CLIC5: variants seen among roughly 807,000 people sequenced by gnomAD.
CLIC5 encodes the protein chloride intracellular channel protein 5.
Under a neutral mutation model 24.7 loss-of-function variants are expected in CLIC5, and 20 were observed. The ratio of observed to expected loss-of-function variants is 0.81; its 90% CI spans 0.57 to 1.18. The LOEUF (loss-of-function observed/expected upper bound fraction) is 1.18. Ranked by LOEUF, CLIC5 falls within the 50% of genes most tolerant of loss-of-function variation. CLIC5 has a pLI of 0.00. For synonymous variants in CLIC5, 159 were observed against 135.6 expected (o/e 1.17, Z -1.20); for missense variants, 341 against 326.1 (o/e 1.05, Z -0.35).
chr6:45,997,986 G>C (rs1766212492), intron 1 of CLIC5, among the ~76,000 whole-genome samples: 1 of 152,200 alleles, frequency 6.6e-6, no homozygotes, highest in South Asian at 2.1e-4. Flanking sequence ...CTTGATCAAG[G>C]GTGTAGGGGA....
At chr6:46,069,147 T>C (rs1762519882) in intron 1 of CLIC5, among the ~76,000 whole-genome samples, 1 of 152,206 alleles carries the variant, frequency 6.6e-6, no homozygotes, top group East Asian at 1.9e-4. Flanking sequence ...CTAGTGAATG[T>C]TTTTAAGACA....
At chr6:45,894,019 G>A (rs573464922), downstream of CLIC5, among the ~76,000 whole-genome samples, 2 of 152,314 alleles carry the variant, frequency 1.3e-5, no homozygotes, top group Middle Eastern at 3.4e-3. Flanking sequence ...TGGACACGTA[G>A]CTAAGTTACA....
At chr6:45,974,587 C>T (rs890699128) in intron 1 of CLIC5, among the ~76,000 whole-genome samples, 2 of 121,920 alleles carry the variant, frequency 1.6e-5, no homozygotes, top group African/African-American at 6.3e-5. Flanking sequence ...AGAGGGCATG[C>T]CATAGAGAGG....
At chr6:45,920,868 A>C (rs1180184404) in intron 4 of CLIC5, among the ~76,000 whole-genome samples, 1 of 152,190 alleles carries the variant, frequency 6.6e-6, no homozygotes, top group Non-Finnish European at 1.5e-5. Context: ...AATTTTGAGG[A>C]GAGGCAAAGA....
At chr6:46,076,821 C>A (rs1273116248) in intron 1 of CLIC5, among the ~76,000 whole-genome samples, 1 of 151,962 alleles carries the variant, frequency 6.6e-6, no homozygotes, top group Non-Finnish European at 1.5e-5. Context: ...TATCAGTTGT[C>A]TCTCCCACTA....
intron 1 of CLIC5, among the ~76,000 whole-genome samples, chr6:45,985,445 C>G (rs577457554): frequency 3.3e-5 from 5 of 152,130 alleles, no homozygotes; most frequent in Non-Finnish European, 5.9e-5. Flanking sequence ...CTGTAAAAAG[C>G]AGGCTCATCC....
intron 4 of CLIC5, among the ~76,000 whole-genome samples, chr6:45,927,584 CAACTTA>C (rs149405889): frequency 4.6e-5 from 7 of 152,286 alleles, no homozygotes; most frequent in Admixed American, 1.3e-4. Flanking sequence ...CCACTGAAAA[CAACTTA>C]AGACGCTTAT....
intron 1 of CLIC5, among the ~76,000 whole-genome samples, chr6:46,024,451 A>T (rs1256947948): frequency 6.6e-6 from 1 of 152,122 alleles, no homozygotes; most frequent in Non-Finnish European, 1.5e-5. Context: ...CTGGACTTAT[A>T]AAGAGACTAG....
At chr6:45,956,762 A>T (rs1277039802) in intron 1 of CLIC5, among the ~76,000 whole-genome samples, 1 of 152,048 alleles carries the variant, frequency 6.6e-6, no homozygotes, top group Non-Finnish European at 1.5e-5. Context: ...CAAAAGCCCC[A>T]CTCCCTATTC....
At chr6:45,935,312 C>T (rs918087105) in intron 4 of CLIC5, among the ~76,000 whole-genome samples, 2 of 152,146 alleles carry the variant, frequency 1.3e-5, no homozygotes, top group Non-Finnish European at 2.9e-5. Flanking sequence ...TGTTTCACAG[C>T]GACGCTTGCT....
chr6:46,076,895 T>C (rs1252748321), intron 1 of CLIC5, among the ~76,000 whole-genome samples: 1 of 152,134 alleles, frequency 6.6e-6, no homozygotes, highest in East Asian at 1.9e-4. Context: ...CCCAGAACTT[T>C]GGGAGGCCGA....
chr6:45,943,596 T>A (rs1764202169), intron 3 of CLIC5, among the ~76,000 whole-genome samples: 1 of 152,254 alleles, frequency 6.6e-6, no homozygotes, highest in South Asian at 2.1e-4. Flanking sequence ...TTCTCCTTGA[T>A]AATGTAAAGA....
the CLIC5 span, among the ~76,000 whole-genome samples, chr6:46,094,634 G>GC: frequency 6.6e-6 from 1 of 152,156 alleles, no homozygotes; most frequent in Non-Finnish European, 1.5e-5. Context: ...AAAGGGGTGG[G>GC]CCCCCAAAGC....
chr6:45,902,729 G>T lies in CLIC5; in HGVS notation c.*359C>A. Reference sequence around the variant, plus strand: ...AGAGGAGGGTAGAAAAGGAGTTGGTGTTGCATGTTTCTAAAGCATCTGAGA... The same window carrying T: ...AGAGGAGGGTAGAAAAGGAGTTGGTTTTGCATGTTTCTAAAGCATCTGAGA... On this transcript the variant is annotated 3_prime_UTR_variant, in exon 6 of 6. Transcript: ENST00000339561. 1 of 242,460 alleles carries T rather than the reference G, an allele frequency of 4.1e-6. No individual in the cohort carries two copies. The highest frequency in any genetic ancestry group is 8.1e-6 in the Non-Finnish European group (1 of 123,970). The allele number at this position is 242,460 out of a possible 1,614,324, so 15.0% of individuals were successfully genotyped here. A position where few individuals can be genotyped will look rare whatever the true frequency, so the allele number is the denominator to read the frequency against.
chr6:45,888,731 T>G (rs1762325988), intron 6 of CLIC5, among the ~76,000 whole-genome samples: 1 of 152,254 alleles, frequency 6.6e-6, no homozygotes, highest in East Asian at 1.9e-4. Flanking sequence ...CTTCCCACTT[T>G]GTTCCCTTTC....
At chr6:46,090,075 A>G in the CLIC5 span, among the ~76,000 whole-genome samples, 1 of 152,332 alleles carries the variant, frequency 6.6e-6, no homozygotes, top group South Asian at 2.1e-4. Context: ...TCCATTACTT[A>G]AAAACGACAA....
At chr6:46,001,179 A>G (rs1331645978) in intron 1 of CLIC5, among the ~76,000 whole-genome samples, 1 of 152,070 alleles carries the variant, frequency 6.6e-6, no homozygotes, top group Non-Finnish European at 1.5e-5. Context: ...ACCAGAAGAG[A>G]TAGTCCATGG....
chr6:45,998,227 G>A (rs537945007), intron 1 of CLIC5, among the ~76,000 whole-genome samples: 166 of 152,318 alleles, frequency 1.1e-3, no homozygotes, highest in African/African-American at 3.9e-3. Context: ...CCTGCTGTGA[G>A]TTCCCACTAG....
At chr6:45,967,220 A>G (rs977201006) in intron 1 of CLIC5, among the ~76,000 whole-genome samples, 2 of 152,206 alleles carry the variant, frequency 1.3e-5, no homozygotes, top group Non-Finnish European at 1.5e-5. Context: ...GGCAGGGTGG[A>G]TCCACACAGC....
Sources: allele counts gnomAD v4.1 joint callset (sites outside exome capture counted in the v4.1 genomes callset), GRCh38; gene constraint gnomAD v4.1.1; transcripts MANE v1.5; gene names NCBI Gene and HGNC (gene_info 2026-07-23, HGNC 2026-07-21).